The following CHL1 variants were observed in gnomAD, a reference collection of about 807,000 sequenced individuals.
CHL1 encodes neural cell adhesion molecule L1-like protein.
CHL1 carries 96 observed loss-of-function variants against 141.9 expected under a neutral mutation model. The ratio of observed to expected loss-of-function variants is 0.68; its 90% CI spans 0.57 to 0.80. The LOEUF (loss-of-function observed/expected upper bound fraction) is 0.80, where lower values mean the gene tolerates loss of function less well. CHL1 is among the 30% of genes least tolerant of loss of function. CHL1 has a pLI of 0.00. For synonymous variants in CHL1, 613 were observed against 502.2 expected (o/e 1.22, Z -2.95); for missense variants, 1,820 against 1,457.2 (o/e 1.25, Z -4.05).
chr3:272,665 A>G (rs1695737691), intron 2 of CHL1, among the ~76,000 whole-genome samples: 2 of 152,236 alleles, frequency 1.3e-5, no homozygotes, highest in African/African-American at 4.8e-5. Context: ...AAGTTACAGG[A>G]TTAGGGAAGA....
chr3:339,800 CT>C (rs1292024967), intron 5 of CHL1, among the ~76,000 whole-genome samples: 1 of 152,196 alleles, frequency 6.6e-6, no homozygotes, highest in East Asian at 1.9e-4. Flanking sequence ...ATGAGTAAAC[CT>C]TTATATTTCC....
intron 1 of CHL1, among the ~76,000 whole-genome samples, chr3:216,976 C>T (rs1183003003): frequency 2.0e-5 from 3 of 152,164 alleles, no homozygotes; most frequent in African/African-American, 4.8e-5. Context: ...TGTGCCATTT[C>T]AGCAACCTTT....
chr3:220,619 T>C (rs544539738), intron 1 of CHL1, among the ~76,000 whole-genome samples: 1 of 152,058 alleles, frequency 6.6e-6, no homozygotes, highest in African/African-American at 2.4e-5. Context: ...CACCTATGCA[T>C]GTAGAATGCT....
chr3:264,788 G>T (rs1345618424), intron 2 of CHL1, among the ~76,000 whole-genome samples: 1 of 152,114 alleles, frequency 6.6e-6, no homozygotes, highest in East Asian at 1.9e-4. Flanking sequence ...TGTCTCTTTC[G>T]CAATGGACTG....
chr3:217,407 A>G (rs1029521123), intron 1 of CHL1: 2 of 152,198 alleles, frequency 1.3e-5, no homozygotes, highest in African/African-American at 2.4e-5. Context: ...CAGAGTTGCC[A>G]TTACTAAGAA....
At chr3:269,762 G>T (rs1252076685) in intron 2 of CHL1, among the ~76,000 whole-genome samples, 3 of 152,186 alleles carry the variant, frequency 2.0e-5, no homozygotes, top group Non-Finnish European at 2.9e-5. Context: ...CTGACCTCAA[G>T]TGATCCATCT....
intron 27 of CHL1, among the ~76,000 whole-genome samples, chr3:403,540 C>G (rs1157859355): frequency 6.6e-6 from 1 of 151,996 alleles, no homozygotes; most frequent in Non-Finnish European, 1.5e-5. Flanking sequence ...TAGCGAGACT[C>G]CATCTCAACA....
rs929322656 is a variant in CHL1, at chr3:407,672, G to A, written c.*1961G>A. 7 of 152,122 alleles carry A rather than the reference G, an allele frequency of 4.6e-5. 1 individual carries two copies. The highest frequency in any genetic ancestry group is 3.3e-4 in the Admixed American group (5 of 15,252). 9.4% of individuals were successfully genotyped at this position (152,122 alleles called of 1,614,324 possible). ...TGAGGAGGGCAAGGTTGTGACGTTC[G>A]AGCTTAGTTCTGGTGTTATTCTGTC... is the stretch of plus-strand genomic sequence containing the variant. On this transcript the variant is annotated 3_prime_UTR_variant, in exon 28 of 28. Transcript: ENST00000256509.
At position 363,265 on chromosome 3, in the gene CHL1, C is replaced by G; in HGVS notation, c.1467C>G (p.Ile489Met). 6.2e-7 allele frequency: 1 copy of G among 1,613,582 alleles called. No individual in the cohort carries two copies. Among genetic ancestry groups the G allele is most frequent in the Non-Finnish European group, 8.5e-7 (1 of 1,179,688 alleles). ...VKPLEGRRYH[I>M]YENGTLQINR... ...CCCTGGAGGGCAGGCGGTATCATAT[C>G]TATGAAAATGGCACATTGCAGATCA... The change falls in exon 14 of 28, where the codon ATC (isoleucine) becomes ATG (methionine). Residue 489 changes from isoleucine to methionine, a missense_variant. By Grantham distance (10) the Ile-to-Met change is conservative (BLOSUM62 1). Coordinates refer to ENST00000256509, the MANE Select transcript of CHL1 (RefSeq NM_006614.4).
chr3:316,008 C>A (rs923440267), intron 2 of CHL1, among the ~76,000 whole-genome samples: 5 of 152,050 alleles, frequency 3.3e-5, no homozygotes, highest in South Asian at 2.1e-4. Context: ...TTATGCAGGG[C>A]CCACAGATTG....
chr3:363,335 G>A lies in CHL1; in HGVS notation c.1537G>A (p.Glu513Lys). Residue 513 changes from glutamate to lysine, a missense_variant, in exon 14 of 28, where the codon GAA (glutamate) becomes AAA (lysine). By Grantham distance (56) the Glu-to-Lys change is moderately conservative (BLOSUM62 1). Transcript: ENST00000256509. The part of the protein sequence containing the change: ...EDAGSYSCWV[E>K]NAIGKTAVTA... ...TGCTGGGTCTTACTCATGTTGGGTA[G>A]AAAATGCTATAGGAAAAACTGCAGT... The A allele has an allele frequency of 6.2e-7, 1 of 1,613,244 alleles. No homozygotes were observed. The highest frequency in any genetic ancestry group is 8.5e-7 in the Non-Finnish European group (1 of 1,179,594).
rs557573952 is a variant in CHL1, at chr3:286,349, G to T, written c.-94-33334G>T. 8.5e-5 allele frequency among the ~76,000 whole-genome samples: 13 copies of T among 152,270 alleles called. 1 individual carries two copies. The South Asian group carries it at 2.1e-3, about 24-fold the overall frequency. On this transcript the variant is annotated intron_variant, in intron 2 of 27. Transcript: ENST00000256509. ...AGTAGGGCTGGGCATGGTGGCTCAT[G>T]CCTGTAATCCCAGCACTTTGGGAGG...
At chr3:297,143 T>G (rs1698261980) in intron 2 of CHL1, among the ~76,000 whole-genome samples, 1 of 152,056 alleles carries the variant, frequency 6.6e-6, no homozygotes, top group African/African-American at 2.4e-5. Context: ...GGAGGATTGC[T>G]TGAGTCGGGG....
At chr3:306,543 A>C (rs989272142) in intron 2 of CHL1, among the ~76,000 whole-genome samples, 5 of 152,160 alleles carry the variant, frequency 3.3e-5, no homozygotes, top group Non-Finnish European at 7.4e-5. Flanking sequence ...TTGAATTGAC[A>C]AGAGGGATGT....
chr3:224,517 G>T (rs938550238), intron 1 of CHL1, among the ~76,000 whole-genome samples: 1 of 151,956 alleles, frequency 6.6e-6, no homozygotes, highest in Admixed American at 6.6e-5. Context: ...TTTAAAAGTA[G>T]GTGGCTCCTC....
chr3:398,199 A>G, intron 24 of CHL1, 28 bp from the exon 25 acceptor site: 1 of 1,462,460 alleles, frequency 6.8e-7, no homozygotes, highest in South Asian at 1.4e-5. Flanking sequence ...ATTACAATTC[A>G]CATGATTTAA....
intron 4 of CHL1, among the ~76,000 whole-genome samples, chr3:326,765 C>A (rs1357216302): frequency 6.6e-6 from 1 of 151,600 alleles, no homozygotes. Flanking sequence ...GAAAGCAAAG[C>A]TACATACTTT....
At chr3:336,109 C>T (rs12494297) in intron 5 of CHL1, among the ~76,000 whole-genome samples, 16,743 of 152,082 alleles carry the variant, frequency 0.11, 1,238 homozygotes, top group East Asian at 0.36. Flanking sequence ...GAAGCCAGGA[C>T]GCAGGCCCAA....
At chr3:255,312 G>C (rs1185903438) in intron 2 of CHL1, among the ~76,000 whole-genome samples, 1 of 152,130 alleles carries the variant, frequency 6.6e-6, no homozygotes, top group Admixed American at 6.6e-5. Flanking sequence ...AGGATTCAAA[G>C]GCAACAGGGA....
Sources: allele counts gnomAD v4.1 joint callset (sites outside exome capture counted in the v4.1 genomes callset), GRCh38; gene constraint gnomAD v4.1.1; transcripts MANE v1.5; gene names NCBI Gene and HGNC (gene_info 2026-07-23, HGNC 2026-07-21).